Variants in PDZRN3 observed in about 807,000 individuals in gnomAD.
PDZRN3 encodes the protein PDZ domain containing ring finger 3.
PDZRN3 carries 38 observed loss-of-function variants against 85.7 expected under a neutral mutation model. The observed-to-expected ratio is 0.44, with a 90% confidence interval of 0.34 to 0.58. The LOEUF is 0.58. Among genes scored for constraint, PDZRN3 ranks in the 20% least tolerant of loss-of-function variants. PDZRN3 has a pLI of 0.01. For synonymous variants in PDZRN3, 759 were observed against 638.0 expected, an observed-to-expected ratio of 1.19 and a Z score of -2.86; for missense variants, 1,629 against 1,506.4, an observed-to-expected ratio of 1.08 and a Z score of -1.35.
chr3:73,568,314 G>A (rs1701984358), intron 3 of PDZRN3, among the ~76,000 whole-genome samples: 2 of 152,094 alleles, frequency 1.3e-5, no homozygotes, highest in South Asian at 4.2e-4. Context: ...CTATAGTTAT[G>A]TGCCTTTATT....
rs1407732682 is a variant in PDZRN3, at chr3:73,518,440, A to C, written c.918+83914T>G. The stretch of plus-strand genomic sequence containing the variant: ...AGATGGATAATGGTAAAGGTTGTAC[A>C]ATAACATGAATGCACTTAATGCCAC... On this transcript the variant is annotated intron_variant, in intron 3 of 9. Coordinates refer to ENST00000263666, the MANE Select transcript of PDZRN3 (RefSeq NM_015009.3). 2.0e-5 allele frequency among the ~76,000 whole-genome samples: 3 copies of C among 152,346 alleles called. No homozygotes were observed. The East Asian group carries it at 5.8e-4, about 29-fold the overall frequency.
intron 3 of PDZRN3, among the ~76,000 whole-genome samples, chr3:73,469,948 T>G (rs955386585): frequency 6.6e-6 from 1 of 152,196 alleles, no homozygotes; most frequent in African/African-American, 2.4e-5. Context: ...TTCAATGTGC[T>G]GTACGTTGTA....
chr3:73,470,381 A>G (rs188109660), intron 3 of PDZRN3, among the ~76,000 whole-genome samples: 1 of 152,278 alleles, frequency 6.6e-6, no homozygotes, highest in Non-Finnish European at 1.5e-5. Context: ...TTGAAGAACT[A>G]ACCTTCATGA....
In PDZRN3 at chr3:73,474,236, A is replaced by G. The variant is rs1269709577; in HGVS notation, c.919-69841T>C. 2.0e-5 allele frequency among the ~76,000 whole-genome samples: 3 copies of G among 152,232 alleles called. No individual in the cohort carries two copies. In the East Asian group the frequency reaches 5.8e-4, roughly 29 times the overall value. On this transcript the variant is annotated intron_variant, in intron 3 of 9. Coordinates refer to ENST00000263666, the MANE Select transcript of PDZRN3 (RefSeq NM_015009.3). ...TCACCAGCCTGTCAATCACCAAAGA[A>G]AAAGATCAAAGGTAACATGGTTCAT...
At chr3:73,611,928 T>A (rs1702690544) in intron 1 of PDZRN3, among the ~76,000 whole-genome samples, 1 of 152,146 alleles carries the variant, frequency 6.6e-6, no homozygotes, top group Non-Finnish European at 1.5e-5. Context: ...TTCAGTTACA[T>A]CCCACCAATT....
intron 3 of PDZRN3, among the ~76,000 whole-genome samples, chr3:73,520,958 C>T (rs1704350234): frequency 1.3e-5 from 2 of 152,180 alleles, no homozygotes; most frequent in African/African-American, 2.4e-5. Context: ...CCCGGAGAAC[C>T]TCTACATTTA....
At chr3:73,526,110 T>C (rs1642858313) in intron 3 of PDZRN3, among the ~76,000 whole-genome samples, 1 of 152,200 alleles carries the variant, frequency 6.6e-6, no homozygotes, top group South Asian at 2.1e-4. Context: ...TCATCTTAAG[T>C]AGATGTAGGG....
intron 3 of PDZRN3, chr3:73,569,145 C>A (rs1702002956): frequency 7.8e-7 from 1 of 1,286,420 alleles, no homozygotes; most frequent in Non-Finnish European, 1.0e-6. Context: ...CATCACATTG[C>A]CTCACCTGGT....
chr3:73,485,699 A>G (rs1173825943), intron 3 of PDZRN3, among the ~76,000 whole-genome samples: 2 of 152,198 alleles, frequency 1.3e-5, no homozygotes, highest in East Asian at 3.8e-4. Context: ...ATGAAAAATC[A>G]TTTTTCTAAT....
chr3:73,481,106 T>C (rs1191955790), intron 3 of PDZRN3, among the ~76,000 whole-genome samples: 3 of 152,220 alleles, frequency 2.0e-5, no homozygotes, highest in Non-Finnish European at 4.4e-5. Context: ...CTGATGCAGA[T>C]ACCCGTGCTC....
chr3:73,454,865 G>A (rs1347799734), intron 3 of PDZRN3, among the ~76,000 whole-genome samples: 1 of 151,638 alleles, frequency 6.6e-6, no homozygotes, highest in Non-Finnish European at 1.5e-5. Context: ...CTATGTATTA[G>A]GATTTTACCC....
chr3:73,599,594 G>A (rs7610092), intron 3 of PDZRN3, among the ~76,000 whole-genome samples: 53,212 of 152,116 alleles, frequency 0.35, 13,993 homozygotes, highest in African/African-American at 0.74. Flanking sequence ...TGTATATTTT[G>A]CCACATGTAT....
intron 3 of PDZRN3, among the ~76,000 whole-genome samples, chr3:73,553,529 T>C (rs980950101): frequency 6.7e-6 from 1 of 150,110 alleles, no homozygotes; most frequent in African/African-American, 2.5e-5. Context: ...TGAGCCGAGA[T>C]GGCACCATTG....
intron 1 of PDZRN3, among the ~76,000 whole-genome samples, chr3:73,612,293 A>G (rs566327712): frequency 6.6e-6 from 1 of 152,306 alleles, no homozygotes; most frequent in South Asian, 2.1e-4. Context: ...TCACGATTGG[A>G]ACCCAGGTCC....
In PDZRN3 at chr3:73,528,828, A is replaced by G. The variant is rs1177574859; in HGVS notation, c.918+73526T>C. Among the ~76,000 whole-genome samples the G allele has an allele frequency of 2.6e-5, 4 of 152,006 alleles. No homozygotes were observed. In the East Asian group the frequency reaches 7.7e-4, roughly 29 times the overall value. ...CATCAATGCTTTTTGGAGTGGAGGA[A>G]GAAGGGGAATGGCAAGGTAAAGTGG... On this transcript the variant is annotated intron_variant, in intron 3 of 9. Transcript: ENST00000263666.
intron 5 of PDZRN3, among the ~76,000 whole-genome samples, chr3:73,399,108 C>CA (rs1469689958): frequency 6.6e-6 from 1 of 152,058 alleles, no homozygotes; most frequent in East Asian, 1.9e-4. Context: ...ATCAGATTCT[C>CA]AAAGGTATTA....
At chr3:73,410,837 A>C (rs1423528647) in intron 3 of PDZRN3, among the ~76,000 whole-genome samples, 3 of 152,262 alleles carry the variant, frequency 2.0e-5, no homozygotes, top group Non-Finnish European at 4.4e-5. Context: ...CATTTCAAGC[A>C]ATGGCATCCA....
chr3:73,383,923 C>G lies in PDZRN3; in HGVS notation c.2643G>C (p.Gln881His), dbSNP rs770840825. 6.2e-7 allele frequency: 1 copy of G among 1,609,932 alleles called. No individual in the cohort carries two copies. Among genetic ancestry groups the G allele is most frequent in the African/African-American group, 1.3e-5 (1 of 74,908 alleles). Residue 881 changes from glutamine to histidine, a missense_variant, in exon 10 of 10, where the codon CAG (glutamine) becomes CAC (histidine). Gln to His is a conservative substitution (Grantham distance 24, BLOSUM62 0). Coordinates refer to ENST00000263666, the MANE Select transcript of PDZRN3 (RefSeq NM_015009.3). ...AHIPAHAQHYQSYMQLIQQKS... is the reference protein window; with the variant it reads ...AHIPAHAQHYHSYMQLIQQKS... ...TCTGCTGGATCAGCTGCATGTAGCT[C>G]TGGTAGTGCTGGGCGTGCGCCGGGA...
At chr3:73,574,510 G>A (rs1007562720) in intron 3 of PDZRN3, among the ~76,000 whole-genome samples, 2 of 152,052 alleles carry the variant, frequency 1.3e-5, no homozygotes, top group Non-Finnish European at 2.9e-5. Flanking sequence ...CCAGGTTGGA[G>A]GGCACTGGTG....
Sources: gnomAD v4.1 joint callset for allele counts (sites outside exome capture counted in the v4.1 genomes callset) on GRCh38, gnomAD v4.1.1 for gene constraint, MANE v1.5 for transcripts, NCBI Gene and HGNC (gene_info 2026-07-23, HGNC 2026-07-21) for gene names.